The following CEP128 variants were observed in gnomAD, a reference collection of about 807,000 sequenced individuals.
The protein encoded by CEP128 is centrosomal protein 128.
A neutral mutation model predicts 156.7 loss-of-function variants in CEP128; 132 were observed. The ratio of observed to expected loss-of-function variants is 0.84; its 90% CI spans 0.73 to 0.97. The LOEUF (loss-of-function observed/expected upper bound fraction) is 0.97, where lower values mean the gene tolerates loss of function less well. Among genes scored for constraint, CEP128 ranks in the 50% least tolerant of loss-of-function variants. The pLI is 0.00. For missense variants in CEP128, 1,252 were observed against 1,281.9 expected (o/e 0.98, Z 0.36); for synonymous variants, 469 against 448.9 (o/e 1.04, Z -0.57).
intron 12 of CEP128, among the ~76,000 whole-genome samples, chr14:80,834,111 G>C (rs978350554): frequency 6.6e-6 from 1 of 152,248 alleles, no homozygotes; most frequent in Admixed American, 6.5e-5. Context: ...TCACCTCTAG[G>C]TGATAATTTT....
At chr14:80,907,429 G>A (rs1172582299) in intron 4 of CEP128, among the ~76,000 whole-genome samples, 1 of 152,056 alleles carries the variant, frequency 6.6e-6, no homozygotes, top group Non-Finnish European at 1.5e-5. Flanking sequence ...GGAGGCTGAG[G>A]CGGCTGGATC....
At chr14:80,813,586 T>A (rs1292204552) in intron 13 of CEP128, among the ~76,000 whole-genome samples, 2 of 152,160 alleles carry the variant, frequency 1.3e-5, no homozygotes, top group Non-Finnish European at 2.9e-5. Context: ...TATTCTTATT[T>A]TAGTAATACA....
intron 23 of CEP128, among the ~76,000 whole-genome samples, chr14:80,526,166 A>AT (rs1358586547): frequency 6.6e-6 from 1 of 152,136 alleles, no homozygotes; most frequent in Non-Finnish European, 1.5e-5. Context: ...TAGTGCGTAC[A>AT]TTTTAGGGAT....
chr14:80,936,736 C>T (rs1350097642), intron 2 of CEP128, among the ~76,000 whole-genome samples: 1 of 152,166 alleles, frequency 6.6e-6, no homozygotes, highest in African/African-American at 2.4e-5. Context: ...TCAAAAGATA[C>T]ATAAGCAGAC....
intron 14 of CEP128, among the ~76,000 whole-genome samples, chr14:80,786,222 C>T (rs567180639): frequency 6.6e-6 from 1 of 152,214 alleles, no homozygotes; most frequent in South Asian, 2.1e-4. Flanking sequence ...AGGACAGAGG[C>T]CAAGGGTTAA....
upstream of CEP128, among the ~76,000 whole-genome samples, chr14:80,946,585 AG>A (rs1178686764): frequency 1.3e-5 from 2 of 152,120 alleles, no homozygotes; most frequent in African/African-American, 4.8e-5. Context: ...ATCAATAAAA[AG>A]GTTCTGGAAT....
At chr14:80,907,114 A>G (rs185183759) in intron 4 of CEP128, among the ~76,000 whole-genome samples, 19 of 152,330 alleles carry the variant, frequency 1.2e-4, no homozygotes, top group Admixed American at 1.2e-3. Context: ...CAACCGAAGG[A>G]AAAGAACAGA....
intron 9 of CEP128, among the ~76,000 whole-genome samples, chr14:80,848,675 A>C (rs1229152855): frequency 6.6e-6 from 1 of 151,812 alleles, no homozygotes; most frequent in East Asian, 1.9e-4. Context: ...AAAAAAAAAA[A>C]GAAAAAGAGA....
At position 80,793,125 on chromosome 14, in the gene CEP128, T is replaced by C. The variant is rs1180011873; in HGVS notation, c.1210-15A>G. 1.9e-6 allele frequency: 3 copies of C among 1,591,788 alleles called. No homozygotes were observed. The highest frequency in any genetic ancestry group is 2.2e-5 in the East Asian group (1 of 44,598). Reference sequence around the variant, plus strand: ...CGTGTTAAATTCTACGAATAAAGCATGCAAAACATTAGGAACAAATCCTTG... The same window carrying C: ...CGTGTTAAATTCTACGAATAAAGCACGCAAAACATTAGGAACAAATCCTTG... On this transcript the variant is annotated splice_polypyrimidine_tract_variant and intron_variant, in intron 13 of 24. Coordinates refer to ENST00000555265, the MANE Select transcript of CEP128 (RefSeq NM_152446.5).
intron 5 of CEP128, chr14:80,905,646 T>TAA (rs35176982): frequency 0.66 from 156,941 of 236,220 alleles, 54,484 homozygotes; most frequent in African/African-American, 0.91. Context: ...ATACCTAACC[T>TAA]AAAGTGTATC....
chr14:80,737,265 G>C (rs148003602), intron 19 of CEP128, among the ~76,000 whole-genome samples: 2 of 152,010 alleles, frequency 1.3e-5, no homozygotes, highest in East Asian at 3.9e-4. Context: ...TTAGCCAGGC[G>C]TGGTGGCACA....
chr14:80,899,711 A>G (rs1272490117), intron 7 of CEP128, among the ~76,000 whole-genome samples: 1 of 152,144 alleles, frequency 6.6e-6, no homozygotes, highest in African/African-American at 2.4e-5. Context: ...TCAGCATTCC[A>G]TTGTATTAAG....
intron 19 of CEP128, among the ~76,000 whole-genome samples, chr14:80,719,224 T>G (rs1897723007): frequency 6.6e-6 from 1 of 152,232 alleles, no homozygotes; most frequent in Admixed American, 6.5e-5. Context: ...CTAAATAACC[T>G]GCCCCTTAAT....
Position 80,914,394 on chromosome 14 carries a change from G to A in CEP128, c.162C>T (p.Asn54=). 3 of 1,613,090 alleles carry A rather than the reference G, an allele frequency of 1.9e-6. No individual in the cohort carries two copies. The highest frequency in any genetic ancestry group is 2.7e-5 in the African/African-American group (2 of 74,970). Residue 54 remains asparagine, a synonymous_variant, in exon 4 of 25, where the codon AAC becomes AAT. Transcript: ENST00000555265. ...ITSTLQDTSR[N]LRQVDQMLGR... ...CAAGCATCTGGTCCACTTGTCGCAG[G>A]TTCCGACTGGTATCCTTGAGAAAGA...
chr14:80,718,457 G>A (rs1161050610), intron 19 of CEP128, among the ~76,000 whole-genome samples: 1 of 152,120 alleles, frequency 6.6e-6, no homozygotes, highest in Admixed American at 6.5e-5. Context: ...AAATCATACA[G>A]TCTACAAGTT....
intron 20 of CEP128, among the ~76,000 whole-genome samples, chr14:80,567,146 G>A (rs543457653): frequency 1.3e-5 from 2 of 152,108 alleles, no homozygotes; most frequent in Non-Finnish European, 2.9e-5. Flanking sequence ...ACAGAGACCT[G>A]AGGGCAGCCA....
intron 18 of CEP128, among the ~76,000 whole-genome samples, chr14:80,749,240 TA>T (rs1899264129): frequency 2.0e-5 from 3 of 152,150 alleles, no homozygotes; most frequent in Admixed American, 1.3e-4. Context: ...CTCAAAAAAC[TA>T]AAAATAGAGC....
intron 10 of CEP128, among the ~76,000 whole-genome samples, chr14:80,840,262 T>C (rs1886287413): frequency 6.6e-6 from 1 of 152,258 alleles, no homozygotes; most frequent in South Asian, 2.1e-4. Context: ...TGAACATATG[T>C]CAAAGATCAT....
chr14:80,661,131 T>C (rs1269927906), intron 19 of CEP128, among the ~76,000 whole-genome samples: 1 of 152,052 alleles, frequency 6.6e-6, no homozygotes, highest in African/African-American at 2.4e-5. Context: ...CTCAATGAAA[T>C]AGAAATATGG....
Sources: allele counts gnomAD v4.1 joint callset (sites outside exome capture counted in the v4.1 genomes callset), GRCh38; gene constraint gnomAD v4.1.1; transcripts MANE v1.5; gene names NCBI Gene and HGNC (gene_info 2026-07-23, HGNC 2026-07-21).